HEMK2: variants seen among roughly 807,000 people sequenced by gnomAD.
HEMK2 encodes methyltransferase HEMK2.
At chr21:28,790,387 G>GAAACCTGCA in the HEMK2 span, among the ~76,000 whole-genome samples, 1 of 152,162 alleles carries the variant, frequency 6.6e-6, no homozygotes, top group South Asian at 2.1e-4. Context: ...TTAAATCCGT[G>GAAACCTGCA]AAACCTGCAT....
At chr21:28,790,166 C>CA in the HEMK2 span, among the ~76,000 whole-genome samples, 1 of 152,106 alleles carries the variant, frequency 6.6e-6, no homozygotes, top group African/African-American at 2.4e-5. Flanking sequence ...TGAACTACAT[C>CA]ATAAAACATC....
chr21:28,599,053 T>A, the HEMK2 span, among the ~76,000 whole-genome samples: 1 of 152,226 alleles, frequency 6.6e-6, no homozygotes, highest in Admixed American at 6.5e-5. Context: ...AAGTTTAGTC[T>A]GCACTATGGA....
At chr21:28,614,775 T>A in the HEMK2 span, among the ~76,000 whole-genome samples, 1 of 152,286 alleles carries the variant, frequency 6.6e-6, no homozygotes, top group South Asian at 2.1e-4. Context: ...CGCCTCCACA[T>A]GGCATATGGC....
At chr21:28,864,896 T>C in the HEMK2 span, among the ~76,000 whole-genome samples, 1 of 88,428 alleles carries the variant, frequency 1.1e-5, no homozygotes, top group South Asian at 4.2e-4. Flanking sequence ...AGATGATAGA[T>C]AGATATAGAT....
At chr21:28,667,012 G>A in the HEMK2 span, among the ~76,000 whole-genome samples, 1 of 152,078 alleles carries the variant, frequency 6.6e-6, no homozygotes, top group Non-Finnish European at 1.5e-5. Context: ...TGGCTCAAAT[G>A]TTGGTTCTAT....
the HEMK2 span, among the ~76,000 whole-genome samples, chr21:28,624,698 G>A: frequency 6.6e-6 from 1 of 152,170 alleles, no homozygotes; most frequent in Non-Finnish European, 1.5e-5. Context: ...CAAGTTCCTG[G>A]CTTAATGGGC....
chr21:28,695,005 A>G, the HEMK2 span, among the ~76,000 whole-genome samples: 1 of 152,032 alleles, frequency 6.6e-6, no homozygotes, highest in Non-Finnish European at 1.5e-5. Context: ...CTCAAAAAAA[A>G]AAAAAAAAGA....
the HEMK2 span, chr21:28,876,295 A>T: frequency 1.2e-6 from 1 of 848,686 alleles, no homozygotes; most frequent in Non-Finnish European, 1.8e-6. Context: ...CAAATTTCTG[A>T]TAAAATTCCT....
At chr21:28,649,535 GA>G in the HEMK2 span, among the ~76,000 whole-genome samples, 3 of 152,202 alleles carry the variant, frequency 2.0e-5, no homozygotes, top group African/African-American at 7.2e-5. Flanking sequence ...TCTAGTTCGG[GA>G]GGCAGAAATA....
chr21:28,577,908 T>C, the HEMK2 span, among the ~76,000 whole-genome samples: 1 of 152,190 alleles, frequency 6.6e-6, no homozygotes, highest in East Asian at 1.9e-4. Flanking sequence ...ACCACATTTA[T>C]ATCGATTGTT....
the HEMK2 span, among the ~76,000 whole-genome samples, chr21:28,696,233 T>C: frequency 1.3e-5 from 2 of 152,082 alleles, no homozygotes; most frequent in Admixed American, 6.6e-5. Context: ...ATGGGAATTA[T>C]GGGAGCTACA....
the HEMK2 span, among the ~76,000 whole-genome samples, chr21:28,745,846 C>T: frequency 6.6e-6 from 1 of 152,212 alleles, no homozygotes; most frequent in Non-Finnish European, 1.5e-5. Flanking sequence ...TATACAAGAA[C>T]ATGTGAGCAC....
At chr21:28,800,643 T>C in the HEMK2 span, among the ~76,000 whole-genome samples, 1 of 152,226 alleles carries the variant, frequency 6.6e-6, no homozygotes, top group Non-Finnish European at 1.5e-5. Context: ...TAAATCTATA[T>C]ATATGTGTAT....
chr21:28,625,088 C>T, the HEMK2 span, among the ~76,000 whole-genome samples: 2 of 152,272 alleles, frequency 1.3e-5, no homozygotes, highest in African/African-American at 4.8e-5. Flanking sequence ...AAGTCATGCA[C>T]CCAACTTACT....
the HEMK2 span, among the ~76,000 whole-genome samples, chr21:28,768,007 C>T: frequency 6.6e-6 from 1 of 152,044 alleles, no homozygotes; most frequent in South Asian, 2.1e-4. Flanking sequence ...GGTCCATATG[C>T]GTCCTCTATG....
the HEMK2 span, among the ~76,000 whole-genome samples, chr21:28,877,407 A>AAG: frequency 4.9e-4 from 3 of 6,158 alleles, no homozygotes; most frequent in Non-Finnish European, 9.3e-4. Context: ...GGAAGAAAAA[A>AAG]AAGAAGGAAG....
At chr21:28,721,404 C>G in the HEMK2 span, among the ~76,000 whole-genome samples, 2 of 152,138 alleles carry the variant, frequency 1.3e-5, no homozygotes, top group Admixed American at 1.3e-4. Flanking sequence ...AATGAGCCAC[C>G]ACGCCCAGCA....
the HEMK2 span, among the ~76,000 whole-genome samples, chr21:28,696,343 A>C: frequency 6.6e-6 from 1 of 152,228 alleles, no homozygotes; most frequent in East Asian, 1.9e-4. Context: ...TGGCCAAAAC[A>C]AAGGGCTACA....
chr21:28,686,524 C>T, the HEMK2 span, among the ~76,000 whole-genome samples: 6 of 152,164 alleles, frequency 3.9e-5, no homozygotes, highest in African/African-American at 1.4e-4. Flanking sequence ...TGAGCCACCA[C>T]ACCTGGCCAC....
Sources: allele counts gnomAD v4.1 joint callset (sites outside exome capture counted in the v4.1 genomes callset), GRCh38; gene constraint gnomAD v4.1.1; transcripts MANE v1.5; gene names NCBI Gene and HGNC (gene_info 2026-07-23, HGNC 2026-07-21).